Variants in CTNNA3 observed in about 807,000 individuals in gnomAD.
The protein encoded by CTNNA3 is catenin alpha 3, also known as catenin alpha-3.
A neutral mutation model predicts 95.7 loss-of-function variants in CTNNA3; 76 were observed. The ratio of observed to expected loss-of-function variants is 0.79; its 90% CI spans 0.66 to 0.96. CTNNA3 has a LOEUF of 0.96. Among genes scored for constraint, CTNNA3 ranks in the 40% least tolerant of loss-of-function variants. CTNNA3 has a pLI of 0.00. For synonymous variants in CTNNA3, 431 were observed against 374.4 expected (o/e 1.15, Z -1.74); for missense variants, 1,191 against 1,089.8 (o/e 1.09, Z -1.31).
intron 12 of CTNNA3, among the ~76,000 whole-genome samples, chr10:66,312,047 T>C (rs2092028462): frequency 6.6e-6 from 1 of 152,228 alleles, no homozygotes; most frequent in South Asian, 2.1e-4. Flanking sequence ...AGGGTGTGCC[T>C]AAGAGCTTTT....
intron 7 of CTNNA3, among the ~76,000 whole-genome samples, chr10:66,935,330 GGTGAAAACTCTAGGAAGTTTACCATA>G (rs1308877424): frequency 1.3e-5 from 2 of 151,948 alleles, no homozygotes; most frequent in Admixed American, 6.6e-5. Context: ...TAGTTATAAC[GGTGAAAACTCTAGGAAGTTTACCATA>G]GTGAAAACTC....
In CTNNA3 at chr10:67,539,570, G is replaced by A. The variant is rs774544494; in HGVS notation, c.392C>T (p.Ala131Val). ...CGCAAGGATAAGGAGTCTCGTCACC[G>A]CAGCCAGCAAGGCACGGGCAGCTTG... The part of the protein sequence containing the change: ...VVQAARALLA[A>V]VTRLLILADM... Residue 131 changes from alanine (A) to valine (V), a missense_variant, in exon 4 of 18, where the codon GCG (alanine) becomes GTG (valine). Transcript: ENST00000433211. The A allele has an allele frequency of 6.2e-6, 10 of 1,613,694 alleles. No individual in the cohort carries two copies. Among genetic ancestry groups the A allele is most frequent in the Non-Finnish European group, 8.5e-6 (10 of 1,179,798 alleles).
intron 10 of CTNNA3, among the ~76,000 whole-genome samples, chr10:66,591,619 T>G (rs1446480740): frequency 2.0e-5 from 3 of 152,094 alleles, no homozygotes; most frequent in East Asian, 3.9e-4. Flanking sequence ...CCACCCATCT[T>G]TAGCTAACTC....
intron 15 of CTNNA3, among the ~76,000 whole-genome samples, chr10:66,002,133 T>A (rs1226627054): frequency 6.6e-6 from 1 of 152,058 alleles, no homozygotes; most frequent in Non-Finnish European, 1.5e-5. Context: ...TAATTCTGTA[T>A]TAGATAAAAA....
chr10:66,462,490 A>T (rs1452217068), intron 11 of CTNNA3, among the ~76,000 whole-genome samples: 1 of 152,078 alleles, frequency 6.6e-6, no homozygotes, highest in East Asian at 1.9e-4. Flanking sequence ...ACATACTTGC[A>T]TTCCTTCATC....
intron 5 of CTNNA3, among the ~76,000 whole-genome samples, chr10:67,267,430 T>C (rs1866875025): frequency 6.6e-6 from 1 of 152,214 alleles, no homozygotes. Context: ...AGTGGCACGA[T>C]CTTGGCTCAC....
intron 7 of CTNNA3, among the ~76,000 whole-genome samples, chr10:66,889,909 G>A (rs1437160573): frequency 1.3e-5 from 2 of 151,400 alleles, no homozygotes; most frequent in Non-Finnish European, 2.9e-5. Context: ...TCCTGCCTCA[G>A]CCTCCCAAGT....
chr10:66,132,006 C>T (rs187954850), intron 13 of CTNNA3, among the ~76,000 whole-genome samples: 15 of 152,116 alleles, frequency 9.9e-5, no homozygotes, highest in Admixed American at 2.0e-4. Context: ...GATTTCATGA[C>T]GAAGACACTG....
chr10:66,647,325 C>A (rs917565196), intron 9 of CTNNA3, among the ~76,000 whole-genome samples: 9 of 151,906 alleles, frequency 5.9e-5, no homozygotes, highest in Admixed American at 2.6e-4. Context: ...GATATGCAAA[C>A]CAAAAAATCA....
At chr10:67,032,355 T>C (rs942239073) in intron 7 of CTNNA3, among the ~76,000 whole-genome samples, 1 of 152,150 alleles carries the variant, frequency 6.6e-6, no homozygotes, top group Admixed American at 6.5e-5. Context: ...TCAAGTAAAG[T>C]AAATTTGCCT....
intron 5 of CTNNA3, among the ~76,000 whole-genome samples, chr10:67,421,997 G>T (rs969624488): frequency 6.6e-6 from 1 of 152,068 alleles, no homozygotes; most frequent in Admixed American, 6.6e-5. Context: ...TTGTGCTATT[G>T]TTATCAAAAA....
chr10:66,228,535 A>G (rs570640696), intron 13 of CTNNA3, among the ~76,000 whole-genome samples: 49 of 152,176 alleles, frequency 3.2e-4, no homozygotes, highest in East Asian at 1.4e-3. Flanking sequence ...AATACCTCAC[A>G]TGACTTCGAT....
intron 6 of CTNNA3, among the ~76,000 whole-genome samples, chr10:67,210,283 G>A (rs983859846): frequency 1.3e-5 from 2 of 152,052 alleles, no homozygotes; most frequent in Non-Finnish European, 2.9e-5. Flanking sequence ...CTCCAGGCCA[G>A]GTGACAGACT....
chr10:67,453,441 G>A (rs1417652270), intron 5 of CTNNA3, among the ~76,000 whole-genome samples: 1 of 152,162 alleles, frequency 6.6e-6, no homozygotes, highest in African/African-American at 2.4e-5. Flanking sequence ...AACTCTGTGG[G>A]AAACTTTCCA....
At chr10:66,079,695 A>T (rs2080675158) in intron 14 of CTNNA3, among the ~76,000 whole-genome samples, 6 of 151,730 alleles carry the variant, frequency 4.0e-5, no homozygotes, top group African/African-American at 1.5e-4. Flanking sequence ...ATGCTTACAT[A>T]TGTCTATATT....
chr10:65,934,826 C>T (rs1157075002), intron 17 of CTNNA3, among the ~76,000 whole-genome samples: 1 of 152,084 alleles, frequency 6.6e-6, no homozygotes, highest in Admixed American at 6.6e-5. Flanking sequence ...TCAGAGTTTT[C>T]ATCCTAGGTA....
At chr10:66,014,900 C>T (rs920216164) in intron 15 of CTNNA3, among the ~76,000 whole-genome samples, 7 of 151,966 alleles carry the variant, frequency 4.6e-5, no homozygotes, top group Admixed American at 6.6e-5. Context: ...GTCAAGAGAG[C>T]GAGACCATCC....
intron 5 of CTNNA3, among the ~76,000 whole-genome samples, chr10:67,337,749 A>C (rs1440445843): frequency 1.3e-5 from 2 of 152,214 alleles, no homozygotes; most frequent in African/African-American, 4.8e-5. Context: ...CATTGAGGTA[A>C]GACCCTTCAC....
chr10:66,687,714 T>C (rs147326193), intron 9 of CTNNA3, among the ~76,000 whole-genome samples: 29,762 of 128,090 alleles, frequency 0.23, 3,018 homozygotes, highest in African/African-American at 0.31. Context: ...TATATATATA[T>C]ATATACACAC....
Sources: gnomAD v4.1 joint callset for allele counts (sites outside exome capture counted in the v4.1 genomes callset) on GRCh38, gnomAD v4.1.1 for gene constraint, MANE v1.5 for transcripts, NCBI Gene and HGNC (gene_info 2026-07-23, HGNC 2026-07-21) for gene names.